Variants in C19orf38 observed in about 807,000 individuals in gnomAD.
C19orf38 encodes protein HIDE1.
Under a neutral mutation model 26.6 loss-of-function variants are expected in C19orf38, and 14 were observed. The observed-to-expected ratio is 0.53, with a 90% confidence interval of 0.35 to 0.82. The LOEUF (loss-of-function observed/expected upper bound fraction) is 0.82. Among genes scored for constraint, C19orf38 ranks in the 40% least tolerant of loss-of-function variants. The pLI is 0.01. For missense variants in C19orf38, 261 were observed against 299.5 expected, an observed-to-expected ratio of 0.87 and a Z score of 0.95; for synonymous variants, 132 against 128.5, an observed-to-expected ratio of 1.03 and a Z score of -0.18.
intron 1 of C19orf38, among the ~76,000 whole-genome samples, chr19:10,837,330 CT>C (rs2073440426): frequency 6.6e-6 from 1 of 152,148 alleles, no homozygotes; most frequent in Non-Finnish European, 1.5e-5. Context: ...GTTGTCAGCA[CT>C]TTCCTGCATT....
intron 1 of C19orf38, among the ~76,000 whole-genome samples, chr19:10,839,001 G>A (rs983819496): frequency 1.3e-5 from 2 of 150,272 alleles, no homozygotes; most frequent in Non-Finnish European, 3.0e-5. Flanking sequence ...CGCAACCTCC[G>A]CCTCCCAGGT....
chr19:10,837,503 CTTTTTTTTTTTT>C (rs958209460), intron 1 of C19orf38, among the ~76,000 whole-genome samples: 1 of 93,636 alleles, frequency 1.1e-5, no homozygotes, highest in South Asian at 3.8e-4. Flanking sequence ...TTTTTTTTTC[CTTTTTTTTTTTT>C]TTTTTTTTTG....
chr19:10,863,883 A>C (rs1791060832), intron 6 of C19orf38, among the ~76,000 whole-genome samples: 1 of 152,162 alleles, frequency 6.6e-6, no homozygotes, highest in South Asian at 2.1e-4. Context: ...ATTGCACTCC[A>C]GCCTGGGCCA....
intron 1 of C19orf38, among the ~76,000 whole-genome samples, chr19:10,849,470 A>C (rs900153427): frequency 1.3e-5 from 2 of 152,130 alleles, no homozygotes; most frequent in African/African-American, 4.8e-5. Context: ...AGGTGGGAGG[A>C]TCACTTGAGG....
At chr19:10,841,961 C>A (rs1365983437) in intron 1 of C19orf38, 7 of 1,609,694 alleles carry the variant, frequency 4.3e-6, no homozygotes, top group Non-Finnish European at 5.9e-6. Flanking sequence ...CAAGTGCCAT[C>A]TTCAAAATTT....
intron 1 of C19orf38, chr19:10,836,846 T>C (rs3760781): frequency 0.31 from 46,903 of 152,088 alleles, 7,422 homozygotes; most frequent in East Asian, 0.56. Flanking sequence ...TCATATTGAG[T>C]GCTCAGCTTT....
intron 5 of C19orf38, 102 bp from the exon 6 acceptor site, chr19:10,863,068 C>A: frequency 8.1e-7 from 1 of 1,230,160 alleles, no homozygotes; most frequent in South Asian, 1.3e-5. Context: ...AGATGGACCC[C>A]AATTGCTTCC....
In C19orf38 at chr19:10,842,227, A is replaced by G. The variant is rs569818355; in HGVS notation, c.-69+5457A>G. 923 of 1,237,942 alleles carry G rather than the reference A, an allele frequency of 7.5e-4. 1 individual carries two copies. Among genetic ancestry groups the G allele is most frequent in the Non-Finnish European group, 1.0e-3 (867 of 840,918 alleles). The allele number at this position is 1,237,942 out of a possible 1,614,324, so 76.7% of individuals were successfully genotyped here. On this transcript the variant is annotated intron_variant, in intron 1 of 7. Transcript: ENST00000592854. ...GAAAACTTTCAGTGATGACTACCAC[A>G]GAACCATCTCTTGGAAAACATAATT...
chr19:10,849,140 C>T (rs1296982561), intron 1 of C19orf38, among the ~76,000 whole-genome samples: 5 of 151,988 alleles, frequency 3.3e-5, no homozygotes, highest in Admixed American at 3.3e-4. Flanking sequence ...TCACTCACCC[C>T]CTCCCTCCTG....
At chr19:10,842,505 C>T (rs939259439) in intron 1 of C19orf38, among the ~76,000 whole-genome samples, 2 of 152,024 alleles carry the variant, frequency 1.3e-5, no homozygotes, top group South Asian at 2.1e-4. Flanking sequence ...CGTGATCCGT[C>T]GGCCTTGGCC....
At position 10,863,207 on chromosome 19, in the gene C19orf38, G is replaced by A. The variant is rs751301114; in HGVS notation, c.543G>A (p.Ala181=). The change falls in exon 6 of 7, where the codon GCG becomes GCA. Residue 181 remains alanine, a splice_region_variant and synonymous_variant. Coordinates refer to ENST00000397820, the MANE Select transcript of C19orf38 (RefSeq NM_001136482.3). Reference sequence around the variant, plus strand: ...ATAACTCCCTGTTTACCGTCTCCGCGGTGAGTGGTTCTTTTTCTTGGAACC... The same window carrying A: ...ATAACTCCCTGTTTACCGTCTCCGCAGTGAGTGGTTCTTTTTCTTGGAACC... The part of the protein sequence containing the change: ...SFDNSLFTVS[A]KTMPEEDPAT... 5 of 1,551,096 alleles carry A rather than the reference G, an allele frequency of 3.2e-6. No individual in the cohort carries two copies. The highest frequency in any genetic ancestry group is 1.4e-5 in the African/African-American group (1 of 73,004).
chr19:10,865,165 T>G (rs1343391708), intron 6 of C19orf38, among the ~76,000 whole-genome samples: 2 of 152,178 alleles, frequency 1.3e-5, no homozygotes, highest in Non-Finnish European at 2.9e-5. Flanking sequence ...TTTTGTTTGT[T>G]TTTTGAGATG....
intron 1 of C19orf38, 88 bp from the exon 2 acceptor site, chr19:10,850,171 G>T: frequency 7.8e-7 from 1 of 1,276,904 alleles, no homozygotes. Context: ...CAAGGCTGAG[G>T]GAGGGTGGTC....
intron 3 of C19orf38, among the ~76,000 whole-genome samples, chr19:10,857,620 T>C (rs1366481821): frequency 6.6e-6 from 1 of 151,408 alleles, no homozygotes; most frequent in Non-Finnish European, 1.5e-5. Flanking sequence ...CACCATGTTG[T>C]CCAGGATGGC....
In C19orf38 at chr19:10,848,550, A is replaced by G; in HGVS notation, c.31+11A>G. ...TGCTCTTTGCAGCTGGTGAGTCTGA[A>G]GCCCCCCTCTCAGATCCCCCACGCC... On this transcript the variant is annotated intron_variant, in intron 1 of 6. Coordinates refer to ENST00000397820, the MANE Select transcript of C19orf38 (RefSeq NM_001136482.3). 1.3e-6 allele frequency: 2 copies of G among 1,550,150 alleles called. No individual in the cohort carries two copies. The highest frequency in any genetic ancestry group is 1.7e-6 in the Non-Finnish European group (2 of 1,146,080).
chr19:10,850,075 A>G (rs564387277), intron 1 of C19orf38, among the ~76,000 whole-genome samples, 184 bp from the exon 2 acceptor site: 7 of 152,226 alleles, frequency 4.6e-5, no homozygotes, highest in African/African-American at 1.7e-4. Flanking sequence ...AAAAGAAAAA[A>G]GAAAAGTAAT....
intron 5 of C19orf38, among the ~76,000 whole-genome samples, chr19:10,861,827 C>T (rs1293467426): frequency 2.0e-5 from 3 of 152,130 alleles, no homozygotes; most frequent in African/African-American, 7.2e-5. Flanking sequence ...ATCCACCCAC[C>T]TCAGCCTCCC....
chr19:10,844,993 CAA>C (rs57500129), upstream of C19orf38, among the ~76,000 whole-genome samples: 8 of 95,756 alleles, frequency 8.4e-5, no homozygotes, highest in Admixed American at 1.2e-4. Flanking sequence ...CCTTTCTCTA[CAA>C]AAAAAAAAAA....
Position 10,850,289 on chromosome 19 carries a change from G to T in C19orf38, c.62G>T (p.Arg21Leu), listed in dbSNP as rs368890462. The T allele has an allele frequency of 6.4e-7, 1 of 1,550,616 alleles. No homozygotes were observed. Among genetic ancestry groups the T allele is most frequent in the Non-Finnish European group, 8.7e-7 (1 of 1,146,924 alleles). ...TTGGCGATCCCAGCACCATCCATCC[G>T]GCTGGTGCCCCCGTACCCAAGCAGC... ...GSLAIPAPSIRLVPPYPSSQE... is the reference protein window; with the variant it reads ...GSLAIPAPSILLVPPYPSSQE... Residue 21 changes from arginine (R) to leucine (L), a missense_variant, in exon 2 of 7, where the codon CGG (arginine) becomes CTG (leucine). Transcript: ENST00000397820.
Sources: gnomAD v4.1 joint callset for allele counts (sites outside exome capture counted in the v4.1 genomes callset) on GRCh38, gnomAD v4.1.1 for gene constraint, MANE v1.5 for transcripts, NCBI Gene and HGNC (gene_info 2026-07-23, HGNC 2026-07-21) for gene names.